RNF220: variants seen among roughly 807,000 people sequenced by gnomAD.
RNF220 encodes ring finger protein 220.
RNF220 carries 7 observed loss-of-function variants against 67.1 expected under a neutral mutation model. That is an observed-to-expected ratio of 0.10 (90% CI 0.06 to 0.20). The LOEUF is 0.20. Ranked by LOEUF, RNF220 falls within the 10% of genes least tolerant of loss-of-function variation. RNF220 has a pLI of 1.00. For missense variants in RNF220, 565 were observed against 740.3 expected, an observed-to-expected ratio of 0.76 and a Z score of 2.75; for synonymous variants, 270 against 283.2, an observed-to-expected ratio of 0.95 and a Z score of 0.47.
intron 2 of RNF220, among the ~76,000 whole-genome samples, chr1:44,462,176 G>A (rs563922926): frequency 2.6e-5 from 4 of 151,694 alleles, no homozygotes; most frequent in African/African-American, 4.8e-5. Flanking sequence ...CAAGTGATCC[G>A]CCCGCCTCGG....
chr1:44,622,742 C>T lies in RNF220; in HGVS notation c.759C>T (p.Ser253=). The change falls in exon 4 of 15, where the codon AGC becomes AGT. Residue 253 remains serine, a splice_region_variant and synonymous_variant. Coordinates refer to ENST00000361799, the MANE Select transcript of RNF220 (RefSeq NM_018150.4). The surrounding 1 kb of genome is among the most constrained non-coding windows in gnomAD (Gnocchi z 4.3). ...ELEQLAQLPS[S]KNSLLKDAMA... is the part of the protein sequence containing the mutation. ...ACCCTGTTCTCTTCTTTCTTGGCAGCAAGAATTCCCTTCTGAAGGATGCCA... is the reference window on the plus strand; with the variant it reads ...ACCCTGTTCTCTTCTTTCTTGGCAGTAAGAATTCCCTTCTGAAGGATGCCA... 6.2e-7 allele frequency: 1 copy of T among 1,613,828 alleles called. No individual in the cohort carries two copies.
At chr1:44,513,886 C>G (rs1013265088) in intron 2 of RNF220, among the ~76,000 whole-genome samples, 7 of 152,122 alleles carry the variant, frequency 4.6e-5, no homozygotes, top group African/African-American at 1.4e-4. Flanking sequence ...TCTTCTACTT[C>G]CGCTCTTCCT....
chr1:44,631,984 C>G (rs896545510), intron 5 of RNF220: 33 of 1,003,530 alleles, frequency 3.3e-5, no homozygotes, highest in Non-Finnish European at 3.9e-5. Flanking sequence ...AACATGGCCG[C>G]CGCCGCCGCT....
rs542543986 is a variant in RNF220 at position 44,512,862 on chromosome 1, C to A, written c.625+100140C>A. ...CACCCTTCGGCAGCGAGTTTCCCAA[C>A]AGTGAGCTCGGTGGCTCCTGGAGCA... On this transcript the variant is annotated intron_variant, in intron 2 of 14. Coordinates refer to ENST00000361799, the MANE Select transcript of RNF220 (RefSeq NM_018150.4). 6.6e-5 allele frequency among the ~76,000 whole-genome samples: 10 copies of A among 152,210 alleles called. No individual in the cohort carries two copies. The South Asian group carries it at 2.1e-3, about 32-fold the overall frequency.
At chr1:44,432,932 C>T (rs1297328954) in intron 2 of RNF220, among the ~76,000 whole-genome samples, 1 of 135,468 alleles carries the variant, frequency 7.4e-6, no homozygotes, top group Non-Finnish European at 1.5e-5. Context: ...CTCTGTTGCT[C>T]AGTTTCAATT....
intron 2 of RNF220, among the ~76,000 whole-genome samples, chr1:44,418,662 C>T (rs1648867317): frequency 6.6e-6 from 1 of 151,666 alleles, no homozygotes; most frequent in South Asian, 2.1e-4. Context: ...AACACACACA[C>T]ATTGTATCCA....
chr1:44,636,277 A>G, intron 8 of RNF220, 115 bp downstream of exon 8: 1 of 1,370,094 alleles, frequency 7.3e-7, no homozygotes, highest in Non-Finnish European at 1.0e-6. Flanking sequence ...CCGTTCCACC[A>G]CGTGGGGACT....
chr1:44,450,664 C>A (rs1201189001), intron 2 of RNF220, among the ~76,000 whole-genome samples: 1 of 152,168 alleles, frequency 6.6e-6, no homozygotes, highest in African/African-American at 2.4e-5. Context: ...CTTTTTAACT[C>A]CTAAATGGTA....
At chr1:44,415,090 G>T (rs1025377230) in intron 2 of RNF220, among the ~76,000 whole-genome samples, 7 of 148,574 alleles carry the variant, frequency 4.7e-5, no homozygotes, top group Non-Finnish European at 8.9e-5. Context: ...TTTTGATTGC[G>T]AATTTTTGGA....
chr1:44,489,225 C>CA (rs1445040251), intron 2 of RNF220, among the ~76,000 whole-genome samples: 7 of 151,924 alleles, frequency 4.6e-5, no homozygotes, highest in Admixed American at 6.6e-5. Context: ...ACTGCTGGAG[C>CA]AAAAAAAGTT....
At position 44,459,726 on chromosome 1, in the gene RNF220, G is replaced by A. The variant is rs559039611; in HGVS notation, c.625+47004G>A. Among the ~76,000 whole-genome samples, 16 of 152,246 alleles carry A rather than the reference G, an allele frequency of 1.1e-4. 1 individual carries two copies. In the South Asian group the frequency reaches 2.7e-3, roughly 26 times the overall value. ...AAGGGGTAGGTGGAGCGGAACTGCC[G>A]ATGAAAGAGGGAATATCCACATGCA... On this transcript the variant is annotated intron_variant, in intron 2 of 14. Coordinates refer to ENST00000361799, the MANE Select transcript of RNF220 (RefSeq NM_018150.4).
intron 2 of RNF220, among the ~76,000 whole-genome samples, chr1:44,461,924 G>GTTTTTTTTTTTTTTT (rs201661366): frequency 8.1e-6 from 1 of 123,560 alleles, no homozygotes; most frequent in Non-Finnish European, 1.7e-5. Flanking sequence ...TTTTTTCTTT[G>GTTTTTTTTTTTTTTT]TTTTTTTTTT....
At chr1:44,440,280 AG>A (rs1223937077) in intron 2 of RNF220, among the ~76,000 whole-genome samples, 1 of 152,172 alleles carries the variant, frequency 6.6e-6, no homozygotes, top group Non-Finnish European at 1.5e-5. Flanking sequence ...ATCATTGCAG[AG>A]GGTTCTGTTG....
intron 2 of RNF220, among the ~76,000 whole-genome samples, chr1:44,514,051 G>A (rs1466496482): frequency 6.6e-6 from 1 of 152,246 alleles, no homozygotes; most frequent in Admixed American, 6.5e-5. Context: ...ATATAGTCGT[G>A]TAGCATCTTG....
chr1:44,535,135 CTTT>C (rs903715852), intron 2 of RNF220, among the ~76,000 whole-genome samples: 5 of 102,992 alleles, frequency 4.9e-5, no homozygotes, highest in South Asian at 6.2e-4. Context: ...GCAGCTTCTT[CTTT>C]TTTTTTTTTT....
At chr1:44,429,816 G>C (rs1185476638) in intron 2 of RNF220, among the ~76,000 whole-genome samples, 2 of 152,174 alleles carry the variant, frequency 1.3e-5, no homozygotes, top group Non-Finnish European at 2.9e-5. Context: ...AACAATGTCT[G>C]TCTATGAAAA....
chr1:44,641,609 T>TA (rs1644492036), intron 8 of RNF220, among the ~76,000 whole-genome samples: 1 of 152,248 alleles, frequency 6.6e-6, no homozygotes, highest in African/African-American at 2.4e-5. Context: ...GCTGTCTGCA[T>TA]AAAACGGCTT....
At chr1:44,626,761 G>A (rs552176228) in intron 5 of RNF220, 90 of 211,102 alleles carry the variant, frequency 4.3e-4, no homozygotes, top group African/African-American at 1.6e-3. Context: ...GATACCGGCC[G>A]GGTGCAGTGG....
intron 1 of RNF220, among the ~76,000 whole-genome samples, chr1:44,411,628 CAT>C (rs1018197485): frequency 6.6e-6 from 1 of 152,198 alleles, no homozygotes; most frequent in Non-Finnish European, 1.5e-5. Context: ...CACTTTAAAA[CAT>C]AGACCCCCAC....
Sources: gnomAD v4.1 joint callset for allele counts (sites outside exome capture counted in the v4.1 genomes callset) on GRCh38, gnomAD v4.1.1 for gene constraint, Gnocchi (gnomAD v3.1) non-coding constraint, MANE v1.5 for transcripts, NCBI Gene and HGNC (gene_info 2026-07-23, HGNC 2026-07-21) for gene names.